GSDMB: variants seen among roughly 807,000 people sequenced by gnomAD.
GSDMB encodes the protein gasdermin-B.
A neutral mutation model predicts 42.9 loss-of-function variants in GSDMB; 32 were observed. That is an observed-to-expected ratio of 0.75 (90% CI 0.56 to 1.00). GSDMB has a LOEUF of 1.00. Among genes scored for constraint, GSDMB ranks in the 50% least tolerant of loss-of-function variants. GSDMB has a pLI of 0.00. For synonymous variants in GSDMB, 175 were observed against 193.7 expected (o/e 0.90, Z 0.80); for missense variants, 468 against 498.5 (o/e 0.94, Z 0.58).
In GSDMB at chr17:39,905,004, C is replaced by G. The variant is rs762799494; in HGVS notation, c.1099-40G>C. ...CCCAGATTGTAACAGCTAGGAACAA[C>G]GATATACCAGAAATGGCAAATATTT... On this transcript the variant is annotated intron_variant, in intron 10 of 10. Transcript: ENST00000418519. The G allele has an allele frequency of 8.3e-6, 13 of 1,574,092 alleles. No homozygotes were observed. The South Asian group carries it at 1.4e-4, about 18-fold the overall frequency.
At chr17:39,905,726 A>G in intron 9 of GSDMB, 121 bp downstream of exon 9, 1 of 1,154,118 alleles carries the variant, frequency 8.7e-7, no homozygotes. Flanking sequence ...GAAGACATGA[A>G]GGAGTGCCCC....
chr17:39,912,391 G>T lies in GSDMB; in HGVS notation c.342C>A (p.His114Gln). The change falls in exon 3 of 11, where the codon CAC (histidine) becomes CAA (glutamine). Residue 114 changes from histidine to glutamine, a missense_variant. Transcript: ENST00000418519. The part of the protein sequence containing the change: ...ITISGSFQGF[H>Q]HQKIKISENR... ...TCTCCGATATCTTGATTTTCTGATG[G>T]TGGAAGCCCTGGAAACTGCCTGAAA... The T allele has an allele frequency of 6.2e-7, 1 of 1,613,800 alleles. No homozygotes were observed. The highest frequency in any genetic ancestry group is 8.5e-7 in the Non-Finnish European group (1 of 1,179,750).
chr17:39,915,265 C>T (rs1233467802), intron 2 of GSDMB, among the ~76,000 whole-genome samples: 1 of 152,246 alleles, frequency 6.6e-6, no homozygotes, highest in Non-Finnish European at 1.5e-5. Context: ...AGCCACTGTG[C>T]CCAGCCCTAT....
chr17:39,906,709 G>T, intron 7 of GSDMB: 2 of 1,231,638 alleles, frequency 1.6e-6, no homozygotes, highest in African/African-American at 1.5e-5. Flanking sequence ...AATTAAGTCA[G>T]AGTTTCTGGA....
intron 3 of GSDMB, among the ~76,000 whole-genome samples, chr17:39,911,825 G>C (rs534521586): frequency 6.6e-6 from 1 of 152,144 alleles, no homozygotes; most frequent in African/African-American, 2.4e-5. Flanking sequence ...GAGAGCAGAG[G>C]AGAGCAAAGG....
intron 6 of GSDMB, chr17:39,907,212 T>A: frequency 9.6e-6 from 13 of 1,353,390 alleles, no homozygotes; most frequent in Non-Finnish European, 1.1e-5. Flanking sequence ...CCTAGATGAT[T>A]GAGGAAGAAG....
Position 39,908,204 on chromosome 17 carries a change from G to A in GSDMB, c.672C>T (p.Phe224=). ...FPNKETMNIH[F]RGKTKSFPEE... is the part of the protein sequence containing the mutation. Reference sequence around the variant, plus strand: ...CTGGAAAGGATTTTGTTTTGCCCCTGAAATGAATATCTAAACCAGCACCAA... The same window carrying A: ...CTGGAAAGGATTTTGTTTTGCCCCTAAAATGAATATCTAAACCAGCACCAA... Residue 224 remains phenylalanine (F), a synonymous_variant, in exon 6 of 11, where the codon TTC becomes TTT. Coordinates refer to ENST00000418519, the MANE Select transcript of GSDMB (RefSeq NM_001165958.2). The A allele has an allele frequency of 6.6e-7, 1 of 1,524,002 alleles. No individual in the cohort carries two copies. The highest frequency in any genetic ancestry group is 8.9e-7 in the Non-Finnish European group (1 of 1,122,132). The allele number at this position is 1,524,002 out of a possible 1,614,324, so 94.4% of individuals were successfully genotyped here.
chr17:39,914,673 G>A (rs1367916224), intron 2 of GSDMB, among the ~76,000 whole-genome samples: 8 of 144,556 alleles, frequency 5.5e-5, no homozygotes, highest in African/African-American at 2.1e-4. Context: ...TGAGGCAGGA[G>A]AACCACTTGA....
chr17:39,908,185 A>C lies in GSDMB; in HGVS notation c.691T>G (p.Phe231Val). The C allele has an allele frequency of 6.6e-7, 1 of 1,519,978 alleles. No individual in the cohort carries two copies. Among genetic ancestry groups the C allele is most frequent in the Non-Finnish European group, 8.9e-7 (1 of 1,117,410 alleles). The allele number at this position is 1,519,978 out of a possible 1,614,324, so 94.2% of individuals were successfully genotyped here. A position where few individuals can be genotyped will look rare whatever the true frequency, so the allele number is the denominator to read the frequency against. The change falls in exon 6 of 11, where the codon TTT (phenylalanine) becomes GTT (valine). Residue 231 changes from phenylalanine (F) to valine (V), a missense_variant. Transcript: ENST00000418519. ...NIHFRGKTKSFPEEKDGASSC... is the reference protein window; with the variant it reads ...NIHFRGKTKSVPEEKDGASSC... ...CCAGCAGCTCACTCACCTTCTGGAAAGGATTTTGTTTTGCCCCTGAAATGA... is the reference window on the plus strand; with the variant it reads ...CCAGCAGCTCACTCACCTTCTGGAACGGATTTTGTTTTGCCCCTGAAATGA...
chr17:39,912,204 G>A, intron 3 of GSDMB, 122 bp downstream of exon 3: 8 of 685,334 alleles, frequency 1.2e-5, no homozygotes, highest in Non-Finnish European at 1.7e-5. Context: ...CTCATGAAAA[G>A]CAGGGAAAAG....
Position 39,908,942 on chromosome 17 carries a change from A to G in GSDMB, c.661+16T>C. ...TTTAGGGCCCCCCATCCTGTTCTCC[A>G]TCTGCCTTTGCTTACTCATCGTCTC... On this transcript the variant is annotated intron_variant, in intron 5 of 10. Coordinates refer to ENST00000418519, the MANE Select transcript of GSDMB (RefSeq NM_001165958.2). 1 of 1,535,460 alleles carries G rather than the reference A, an allele frequency of 6.5e-7. No individual in the cohort carries two copies. The highest frequency in any genetic ancestry group is 9.0e-7 in the Non-Finnish European group (1 of 1,113,750).
chr17:39,913,777 T>C (rs2063658891), intron 2 of GSDMB, among the ~76,000 whole-genome samples: 2 of 152,140 alleles, frequency 1.3e-5, no homozygotes, highest in South Asian at 4.1e-4. Context: ...TCGTGGAGGA[T>C]GTGTGGGCAT....
intron 6 of GSDMB, 132 bp downstream of exon 6, chr17:39,908,044 G>A (rs772549941): frequency 1.4e-4 from 90 of 663,730 alleles, no homozygotes; most frequent in Non-Finnish European, 1.9e-4. Context: ...TTTCCCCTGC[G>A]CTTGCCATGG....
At chr17:39,917,030 A>G in intron 2 of GSDMB, 52 bp downstream of exon 2, 1 of 1,146,336 alleles carries the variant, frequency 8.7e-7, no homozygotes, top group Middle Eastern at 2.0e-4. Context: ...GAGATGGAGT[A>G]CAAACGGTCA....
rs150365108 is a variant in GSDMB at position 39,917,283 on chromosome 17, C to A, written c.34G>T (p.Val12Leu). Residue 12 changes from valine (V) to leucine (L), a missense_variant, in exon 2 of 11, where the codon GTA (valine) becomes TTA (leucine). By Grantham distance (32) the Val-to-Leu change is conservative. Transcript: ENST00000418519. ...CCTCCAGCATCCATCTCCTTAACTA[C>A]AATTCTTGTGATTTCCTCAAATACG... Reference protein sequence around the residue: ...FSVFEEITRIVVKEMDAGGDM... With the variant: ...FSVFEEITRILVKEMDAGGDM... The A allele has an allele frequency of 2.3e-5, 37 of 1,613,434 alleles. No individual in the cohort carries two copies. The African/African-American group carries it at 4.7e-4, about 20-fold the overall frequency.
rs376008710 is a variant in GSDMB, at chr17:39,909,015, T to C, written c.604A>G (p.Asn202Asp). 5 of 1,602,674 alleles carry C rather than the reference T, an allele frequency of 3.1e-6. No individual in the cohort carries two copies. The highest frequency in any genetic ancestry group is 1.3e-5 in the African/African-American group (1 of 74,364). Residue 202 changes from asparagine to aspartate, a missense_variant, in exon 5 of 11, where the codon AAT (asparagine) becomes GAT (aspartate). By Grantham distance (23) the Asn-to-Asp change is conservative. Transcript: ENST00000418519. ...TTTACTCGATAGCTCAGGACCCGAT[T>C]TGGGGGGATGGTCACTTCCCTTTGG... The part of the protein sequence containing the change: ...KGQREVTIPP[N>D]RVLSYRVKQL...
rs2063474488 is a variant in GSDMB, at chr17:39,904,831, G to A, written c.1232C>T (p.Pro411Leu). ...VSILLELAEG[P>L]TSVSS ...TTGTAGTTAGGAAGAGACAGAGGTA[G>A]GCCCCTCAGCCAGCTCCAGCAGGAT... Residue 411 changes from proline to leucine, a missense_variant, in exon 11 of 11, where the codon CCT becomes CTT. Pro to Leu is a moderately conservative substitution (Grantham distance 98). Coordinates refer to ENST00000418519, the MANE Select transcript of GSDMB (RefSeq NM_001165958.2). 6.2e-7 allele frequency: 1 copy of A among 1,614,032 alleles called. No individual in the cohort carries two copies. Among genetic ancestry groups the A allele is most frequent in the East Asian group, 2.2e-5 (1 of 44,876 alleles).
intron 2 of GSDMB, among the ~76,000 whole-genome samples, chr17:39,914,840 T>G (rs1265873935): frequency 6.6e-6 from 1 of 151,098 alleles, no homozygotes; most frequent in Non-Finnish European, 1.5e-5. Context: ...ACACTTTTTT[T>G]TTTGTTTTTT....
At position 39,915,580 on chromosome 17, in the gene GSDMB, G is replaced by T. The variant is rs2063695095; in HGVS notation, c.235+1502C>A. Among the ~76,000 whole-genome samples the T allele has an allele frequency of 4.1e-5, 6 of 147,468 alleles. No individual in the cohort carries two copies. The Admixed American group carries it at 4.2e-4, about 10-fold the overall frequency. ...GTTAAAGTATTTTTCCATTTTCAGT[G>T]AATTGATCATTTGGCAAACTGATTT... On this transcript the variant is annotated intron_variant, in intron 2 of 10. Coordinates refer to ENST00000418519, the MANE Select transcript of GSDMB (RefSeq NM_001165958.2).
Sources: gnomAD v4.1 joint callset for allele counts (sites outside exome capture counted in the v4.1 genomes callset) on GRCh38, gnomAD v4.1.1 for gene constraint, MANE v1.5 for transcripts, NCBI Gene and HGNC (gene_info 2026-07-23, HGNC 2026-07-21) for gene names.